RTN3: variants seen among roughly 807,000 people sequenced by gnomAD.
RTN3 encodes reticulon-3.
Under a neutral mutation model 77.8 loss-of-function variants are expected in RTN3, and 49 were observed. The ratio of observed to expected loss-of-function variants is 0.63; its 90% CI spans 0.50 to 0.80. The LOEUF (loss-of-function observed/expected upper bound fraction) is 0.80, where lower values mean the gene tolerates loss of function less well. RTN3 is among the 30% of genes least tolerant of loss of function. RTN3 has a pLI of 0.00. For synonymous variants in RTN3, 464 were observed against 446.9 expected (o/e 1.04, Z -0.48); for missense variants, 1,236 against 1,211.9 (o/e 1.02, Z -0.29).
At chr11:63,733,160 CAAAAA>C (rs58564500) in intron 3 of RTN3, among the ~76,000 whole-genome samples, 1 of 136,834 alleles carries the variant, frequency 7.3e-6, no homozygotes, top group Non-Finnish European at 1.6e-5. Flanking sequence ...ACTAAAAATA[CAAAAA>C]AAAAAAGGCT....
At chr11:63,697,051 A>AT (rs1264727679) in intron 1 of RTN3, among the ~76,000 whole-genome samples, 25 of 148,314 alleles carry the variant, frequency 1.7e-4, no homozygotes, top group East Asian at 1.2e-3. Context: ...TACCCGACTA[A>AT]TTTTTTGTAT....
intron 3 of RTN3, among the ~76,000 whole-genome samples, chr11:63,746,672 G>T (rs2013815466): frequency 6.6e-6 from 1 of 151,882 alleles, no homozygotes; most frequent in Non-Finnish European, 1.5e-5. Flanking sequence ...CCGCCACCAC[G>T]CCCAGCTAGT....
chr11:63,733,716 A>G (rs1035602332), intron 3 of RTN3, among the ~76,000 whole-genome samples: 3 of 151,254 alleles, frequency 2.0e-5, no homozygotes, highest in Admixed American at 2.0e-4. Flanking sequence ...CCAACAAAAA[A>G]AAAAGGAAAA....
At chr11:63,754,582 C>A (rs2014266504) in intron 7 of RTN3, among the ~76,000 whole-genome samples, 1 of 151,372 alleles carries the variant, frequency 6.6e-6, no homozygotes, top group East Asian at 1.9e-4. Context: ...CGCCTGTGGT[C>A]CCAGTTGCTC....
chr11:63,735,561 T>TCTCTCTCTCC (rs1418502611), intron 3 of RTN3, among the ~76,000 whole-genome samples: 109 of 137,084 alleles, frequency 8.0e-4, no homozygotes, highest in Non-Finnish European at 1.4e-3. Context: ...TCTCTCTCTC[T>TCTCTCTCTCC]CTCTCTCTCT....
At chr11:63,728,886 C>CAAAAAAA (rs577443067) in intron 3 of RTN3, among the ~76,000 whole-genome samples, 3 of 78,630 alleles carry the variant, frequency 3.8e-5, no homozygotes, top group Non-Finnish European at 5.2e-5. Flanking sequence ...GACTCCGTCT[C>CAAAAAAA]AAAAAAAAAA....
rs12290223 is a variant in RTN3 at position 63,702,497 on chromosome 11, G to A, written c.143-2354G>A. ...GCCTGGCTAATTTTTTGTATCTTTA[G>A]TAGAGACAGAGTTTCACCATGTTGG... is the stretch of plus-strand genomic sequence containing the variant. On this transcript the variant is annotated intron_variant, in intron 1 of 8. Coordinates refer to ENST00000377819, the MANE Select transcript of RTN3 (RefSeq NM_001265589.2). Among the ~76,000 whole-genome samples, 810 of 151,398 alleles carry A rather than the reference G, an allele frequency of 5.4e-3. 5 individuals are homozygous for A. Among genetic ancestry groups the A allele is most frequent in the African/African-American group, 0.019 (789 of 41,282 alleles).
At chr11:63,724,406 A>C (rs1481925123) in intron 3 of RTN3, among the ~76,000 whole-genome samples, 1 of 146,930 alleles carries the variant, frequency 6.8e-6, no homozygotes, top group Non-Finnish European at 1.5e-5. Flanking sequence ...GATGGCCTCA[A>C]TCTCCTGACC....
intron 3 of RTN3, among the ~76,000 whole-genome samples, chr11:63,742,279 T>C (rs1219215689): frequency 2.0e-5 from 3 of 150,974 alleles, no homozygotes; most frequent in African/African-American, 4.9e-5. Context: ...GCGCCTTGCC[T>C]GGCTCTTCTA....
intron 3 of RTN3, among the ~76,000 whole-genome samples, chr11:63,746,242 A>G (rs980150721): frequency 6.6e-6 from 1 of 152,122 alleles, no homozygotes; most frequent in Non-Finnish European, 1.5e-5. Context: ...CTGTCTTTCA[A>G]ATATTTTGAA....
intron 1 of RTN3, among the ~76,000 whole-genome samples, chr11:63,689,423 A>G (rs1436021063): frequency 6.6e-6 from 1 of 152,196 alleles, no homozygotes; most frequent in African/African-American, 2.4e-5. Context: ...GTTTAGCTGT[A>G]ATCAGTATTG....
At chr11:63,734,835 A>G (rs2012976940) in intron 3 of RTN3, among the ~76,000 whole-genome samples, 1 of 151,900 alleles carries the variant, frequency 6.6e-6, no homozygotes, top group Admixed American at 6.6e-5. Context: ...AATAGAAGGA[A>G]TCAGGATTAG....
chr11:63,704,883 G>C lies in RTN3; in HGVS notation c.175G>C (p.Val59Leu), dbSNP rs746273528. 1.4e-5 allele frequency: 23 copies of C among 1,612,166 alleles called. No individual in the cohort carries two copies. Among genetic ancestry groups the C allele is most frequent in the Non-Finnish European group, 2.0e-5 (23 of 1,178,550 alleles). ...TGTTTCTTCCTCTTCCTCTCAGCCT[G>C]TATCTCTATTTTCGACCTCACAAGG... Reference protein sequence around the residue: ...SFVSSSSSQPVSLFSTSQEGL... With the variant: ...SFVSSSSSQPLSLFSTSQEGL... The change falls in exon 2 of 9, where the codon GTA (valine) becomes CTA (leucine). Residue 59 changes from valine (V) to leucine (L), a missense_variant. Transcript: ENST00000377819.
At chr11:63,748,963 C>T (rs996689571) in intron 3 of RTN3, among the ~76,000 whole-genome samples, 12 of 152,010 alleles carry the variant, frequency 7.9e-5, no homozygotes, top group African/African-American at 2.7e-4. Context: ...CCACCATGCC[C>T]GGCCCCCACT....
intron 3 of RTN3, among the ~76,000 whole-genome samples, chr11:63,732,066 GA>G (rs1329592826): frequency 2.0e-5 from 3 of 146,892 alleles, no homozygotes; most frequent in East Asian, 2.0e-4. Context: ...TAAGTAGAAA[GA>G]AAAAAAAAGA....
At position 63,681,783 on chromosome 11, in the gene RTN3, G is replaced by A. The variant is rs1590759743; in HGVS notation, c.142+5G>A. The A allele has an allele frequency of 1.3e-6, 2 of 1,565,702 alleles. No individual in the cohort carries two copies. The highest frequency in any genetic ancestry group is 2.3e-5 in the South Asian group (2 of 87,860). On this transcript the variant is annotated splice_donor_5th_base_variant and intron_variant, in intron 1 of 8. Transcript: ENST00000377819. Reference sequence around the variant, plus strand: ...GCTGCAGCTCCTCCTGTGCGGGTAAGGCGCGCGGGGAGCCCCCGCCCTGGG... The same window carrying A: ...GCTGCAGCTCCTCCTGTGCGGGTAAAGCGCGCGGGGAGCCCCCGCCCTGGG...
intron 2 of RTN3, among the ~76,000 whole-genome samples, chr11:63,706,889 C>A (rs575738374): frequency 5.4e-5 from 8 of 148,490 alleles, no homozygotes; most frequent in Non-Finnish European, 1.2e-4. Context: ...TATTTTTTTT[C>A]TTTTCTTTTT....
At chr11:63,722,891 C>A (rs2011921280) in intron 3 of RTN3, among the ~76,000 whole-genome samples, 1 of 152,132 alleles carries the variant, frequency 6.6e-6, no homozygotes, top group Non-Finnish European at 1.5e-5. Context: ...CCTCAGTTGT[C>A]ATAATTCTTA....
intron 3 of RTN3, among the ~76,000 whole-genome samples, chr11:63,721,312 C>T (rs994643648): frequency 2.0e-5 from 3 of 152,246 alleles, no homozygotes; most frequent in Middle Eastern, 3.4e-3. Flanking sequence ...CGGTGGCTCA[C>T]GCCTATAATC....
Sources: gnomAD v4.1 joint callset for allele counts (sites outside exome capture counted in the v4.1 genomes callset) on GRCh38, gnomAD v4.1.1 for gene constraint, MANE v1.5 for transcripts, NCBI Gene and HGNC (gene_info 2026-07-23, HGNC 2026-07-21) for gene names.